The following CCDC91 variants were observed in gnomAD, a reference collection of about 807,000 sequenced individuals.
CCDC91 encodes the protein coiled-coil domain-containing protein 91.
Under a neutral mutation model 63.2 loss-of-function variants are expected in CCDC91, and 48 were observed. That is an observed-to-expected ratio of 0.76 (90% CI 0.60 to 0.97). CCDC91 has a LOEUF of 0.97. CCDC91 is among the 50% of genes least tolerant of loss of function. The pLI, the probability that CCDC91 is intolerant of heterozygous loss-of-function variation, is 0.00. For missense variants in CCDC91, 500 were observed against 494.6 expected (o/e 1.01, Z -0.10); for synonymous variants, 167 against 165.8 (o/e 1.01, Z -0.06).
At chr12:28,482,038 G>A (rs1182724358) in intron 11 of CCDC91, among the ~76,000 whole-genome samples, 1 of 151,778 alleles carries the variant, frequency 6.6e-6, no homozygotes, top group Non-Finnish European at 1.5e-5. Context: ...TGAAAACTAA[G>A]GATTTTTGTA....
At chr12:28,273,441 T>G (rs1198138231) in intron 3 of CCDC91, among the ~76,000 whole-genome samples, 4 of 152,192 alleles carry the variant, frequency 2.6e-5, no homozygotes, top group Non-Finnish European at 5.9e-5. Flanking sequence ...GTTGAACTAG[T>G]TTACAGTCCC....
intron 12 of CCDC91, among the ~76,000 whole-genome samples, chr12:28,543,258 G>C (rs888518010): frequency 6.6e-6 from 1 of 152,048 alleles, no homozygotes; most frequent in Non-Finnish European, 1.5e-5. Context: ...TCACAAGTGT[G>C]GGGGTAGGAC....
At chr12:28,359,534 A>G (rs1943739812) in intron 6 of CCDC91, among the ~76,000 whole-genome samples, 1 of 152,190 alleles carries the variant, frequency 6.6e-6, no homozygotes, top group African/African-American at 2.4e-5. Context: ...AAAAATCCTG[A>G]TTTTAGTAAA....
chr12:28,313,360 T>TA (rs1398611921), intron 6 of CCDC91, among the ~76,000 whole-genome samples: 1 of 151,954 alleles, frequency 6.6e-6, no homozygotes, highest in African/African-American at 2.4e-5. Flanking sequence ...ATGTGGACAA[T>TA]ATAGAAAAAG....
At chr12:28,415,462 C>T (rs1458258797) in intron 8 of CCDC91, among the ~76,000 whole-genome samples, 1 of 152,000 alleles carries the variant, frequency 6.6e-6, no homozygotes, top group Admixed American at 6.6e-5. Context: ...TCAGGTGATC[C>T]GCCTGCCTCA....
chr12:28,477,438 C>G (rs1355210519), intron 11 of CCDC91, among the ~76,000 whole-genome samples: 2 of 152,084 alleles, frequency 1.3e-5, no homozygotes, highest in Non-Finnish European at 2.9e-5. Context: ...GCTAAAAACT[C>G]TCAATAAATT....
intron 1 of CCDC91, among the ~76,000 whole-genome samples, chr12:28,230,484 A>G (rs1187301893): frequency 6.6e-6 from 1 of 152,218 alleles, no homozygotes; most frequent in East Asian, 1.9e-4. Flanking sequence ...CAATAGGTCA[A>G]TAGCTACATG....
chr12:28,258,093 A>G, intron 2 of CCDC91, among the ~76,000 whole-genome samples: 1 of 151,982 alleles, frequency 6.6e-6, no homozygotes, highest in East Asian at 1.9e-4. Flanking sequence ...GGTTTTTGTT[A>G]GGATCTTCTT....
At chr12:28,287,421 A>G (rs1200373332) in intron 3 of CCDC91, among the ~76,000 whole-genome samples, 1 of 152,122 alleles carries the variant, frequency 6.6e-6, no homozygotes, top group African/African-American at 2.4e-5. Context: ...TCAATCTTCT[A>G]TATGTGGCTA....
intron 12 of CCDC91, among the ~76,000 whole-genome samples, chr12:28,497,051 TGTTA>T (rs1409209564): frequency 2.0e-5 from 3 of 150,560 alleles, no homozygotes; most frequent in Non-Finnish European, 4.4e-5. Flanking sequence ...ATTTCATATA[TGTTA>T]GTTATAGTAC....
At chr12:28,335,226 AATAC>A (rs1941847952) in intron 6 of CCDC91, among the ~76,000 whole-genome samples, 1 of 138,216 alleles carries the variant, frequency 7.2e-6, no homozygotes, top group African/African-American at 2.6e-5. Flanking sequence ...TATGTAGATA[AATAC>A]ATAGTATACT....
intron 1 of CCDC91, among the ~76,000 whole-genome samples, chr12:28,213,314 C>A (rs1414337947): frequency 6.6e-6 from 1 of 152,126 alleles, no homozygotes; most frequent in Non-Finnish European, 1.5e-5. Flanking sequence ...TTAGTAGGCC[C>A]CTAAAGATGA....
chr12:28,287,077 G>A (rs1323091675), intron 3 of CCDC91, among the ~76,000 whole-genome samples: 1 of 151,856 alleles, frequency 6.6e-6, no homozygotes, highest in Non-Finnish European at 1.5e-5. Flanking sequence ...TTGTAAATGT[G>A]TATAAGTTCC....
chr12:28,193,865 T>A (rs1941496798), intron 1 of CCDC91, among the ~76,000 whole-genome samples: 1 of 79,516 alleles, frequency 1.3e-5, no homozygotes, highest in East Asian at 2.1e-4. Flanking sequence ...ATTAAGTGTC[T>A]GCTGAAATCG....
intron 1 of CCDC91, among the ~76,000 whole-genome samples, chr12:28,235,222 C>T (rs981806212): frequency 2.6e-5 from 4 of 152,110 alleles, no homozygotes; most frequent in Non-Finnish European, 5.9e-5. Flanking sequence ...GTCAAAGATA[C>T]CACAAAGCTC....
At chr12:28,379,837 A>G (rs1435073240) in intron 7 of CCDC91, among the ~76,000 whole-genome samples, 4 of 152,220 alleles carry the variant, frequency 2.6e-5, no homozygotes, top group South Asian at 2.1e-4. Context: ...TCATTCTACT[A>G]TAAGAACACA....
intron 8 of CCDC91, among the ~76,000 whole-genome samples, chr12:28,435,213 A>G (rs1948841488): frequency 6.6e-6 from 1 of 151,678 alleles, no homozygotes; most frequent in South Asian, 2.1e-4. Flanking sequence ...CTAAAATGAA[A>G]GCTAAGATTA....
At chr12:28,470,484 G>A (rs1227906720) in intron 11 of CCDC91, among the ~76,000 whole-genome samples, 2 of 152,142 alleles carry the variant, frequency 1.3e-5, no homozygotes, top group Non-Finnish European at 2.9e-5. Flanking sequence ...TACACTGTTG[G>A]TGGGAATGTA....
At chr12:28,500,584 C>T (rs1177542028) in intron 12 of CCDC91, among the ~76,000 whole-genome samples, 3 of 151,688 alleles carry the variant, frequency 2.0e-5, no homozygotes, top group Non-Finnish European at 2.9e-5. Context: ...TAGGCTCATA[C>T]ATAGCACCAC....
Sources: allele counts gnomAD v4.1 joint callset (sites outside exome capture counted in the v4.1 genomes callset), GRCh38; gene constraint gnomAD v4.1.1; transcripts MANE v1.5; gene names NCBI Gene and HGNC (gene_info 2026-07-23, HGNC 2026-07-21).